The following MTCL1 variants were observed in gnomAD, a reference collection of about 807,000 sequenced individuals.
The protein encoded by MTCL1 is microtubule cross-linking factor 1.
Under a neutral mutation model 141.4 loss-of-function variants are expected in MTCL1, and 79 were observed. The observed-to-expected ratio is 0.56, with a 90% CI of 0.47 to 0.67. The LOEUF is 0.67. Ranked by LOEUF, MTCL1 falls within the 30% of genes least tolerant of loss-of-function variation. MTCL1 has a pLI of 0.00. For missense variants in MTCL1, 2,177 were observed against 2,113.9 expected, an observed-to-expected ratio of 1.03 and a Z score of -0.59; for synonymous variants, 914 against 875.8, an observed-to-expected ratio of 1.04 and a Z score of -0.77.
exon 1 of MTCL1, chr18:8,706,132 A>G (rs2096057792): frequency 8.2e-7 from 1 of 1,215,416 alleles, no homozygotes. Flanking sequence ...TGCCGCTGCC[A>G]AGGGCCGCAA....
chr18:8,731,041 C>G (rs1378681034), intron 4 of MTCL1, among the ~76,000 whole-genome samples: 1 of 152,018 alleles, frequency 6.6e-6, no homozygotes, highest in Admixed American at 6.6e-5. Flanking sequence ...GTCAGGAGAT[C>G]AAGACCATCC....
chr18:8,792,113 C>T (rs1366214545), intron 7 of MTCL1, among the ~76,000 whole-genome samples: 1 of 152,198 alleles, frequency 6.6e-6, no homozygotes, highest in African/African-American at 2.4e-5. Flanking sequence ...ACCAGTGAAA[C>T]CGCACGTATT....
intron 16 of MTCL1, chr18:8,829,738 G>T: frequency 1.0e-6 from 1 of 985,300 alleles, no homozygotes; most frequent in Non-Finnish European, 1.2e-6. Context: ...GGAACACAGG[G>T]AGGGTCAATT....
intron 16 of MTCL1, chr18:8,829,669 C>T: frequency 7.1e-6 from 7 of 985,250 alleles, no homozygotes; most frequent in Non-Finnish European, 8.4e-6. Flanking sequence ...GGCCTTGACT[C>T]GAAGCCAGTA....
At chr18:8,824,616 C>T (rs2076954425) in intron 14 of MTCL1, 83 bp from the exon 14 acceptor site, 1 of 1,250,756 alleles carries the variant, frequency 8.0e-7, no homozygotes. Flanking sequence ...ACTGACACTT[C>T]TCATGCAGGG....
chr18:8,709,254 A>G (rs907545161), intron 1 of MTCL1, among the ~76,000 whole-genome samples: 5 of 151,900 alleles, frequency 3.3e-5, no homozygotes, highest in Admixed American at 3.3e-4. Flanking sequence ...GTGCAGTGGC[A>G]TGATCATAGC....
chr18:8,803,654 T>A (rs1300633922), intron 10 of MTCL1, among the ~76,000 whole-genome samples: 1 of 152,214 alleles, frequency 6.6e-6, no homozygotes, highest in Non-Finnish European at 1.5e-5. Context: ...CCAATAGCAT[T>A]GAGCTGGGCT....
rs1220187127 is a variant in MTCL1, at chr18:8,725,776, C to CTTTTTTTTTTTTTT, written c.357+5293_357+5294insTTTTTTTTTTTTTT. Among the ~76,000 whole-genome samples, 99 of 111,006 alleles carry CTTTTTTTTTTTTTT rather than the reference C, an allele frequency of 8.9e-4. 12 individuals carry two copies. The highest frequency in any genetic ancestry group is 5.2e-3 in the Middle Eastern group (1 of 192). 72.8% of individuals were successfully genotyped at this position (111,006 alleles called of 152,430 possible). Reference sequence around the variant, plus strand: ...GCGTTATGTATTTTGGTGCCATTTTCTTTTTTTTTTTTTCTTTTTTTTTTT... The same window carrying CTTTTTTTTTTTTTT: ...GCGTTATGTATTTTGGTGCCATTTTCTTTTTTTTTTTTTTTTTTTTTTTTTTTCTTTTTTTTTTT... On this transcript the variant is annotated intron_variant, in intron 4 of 16. Transcript: ENST00000359865.
Position 8,706,017 on chromosome 18 carries a change from G to T in MTCL1, c.357G>T (p.Ala119=), listed in dbSNP as rs1183479183. ...CCCCGCCGGGCGCCGGGGCCAGAGC[G>T]GCGGGCGGTGCCAAGGCTGCCCTGG... Residue 119 remains alanine (A), a synonymous_variant, in exon 1 of 14, where the codon GCG becomes GCT. Transcript: ENST00000306329. 67 of 1,169,254 alleles carry T rather than the reference G, an allele frequency of 5.7e-5. No individual in the cohort carries two copies. In the Middle Eastern group the frequency reaches 1.4e-3, roughly 24 times the overall value. 72.4% of individuals were successfully genotyped at this position (1,169,254 alleles called of 1,614,324 possible).
At chr18:8,817,721 A>C (rs1344041333) in intron 12 of MTCL1, among the ~76,000 whole-genome samples, 4 of 152,214 alleles carry the variant, frequency 2.6e-5, no homozygotes, top group African/African-American at 9.6e-5. Context: ...ACTTCAAATC[A>C]TTATTTGGCC....
At chr18:8,820,737 G>A (rs1269417002) in intron 13 of MTCL1, among the ~76,000 whole-genome samples, 1 of 152,332 alleles carries the variant, frequency 6.6e-6, no homozygotes, top group East Asian at 1.9e-4. Context: ...CTGCATGGCA[G>A]AGACAAGGGG....
At chr18:8,719,503 A>G (rs1276081184) in intron 3 of MTCL1, among the ~76,000 whole-genome samples, 1 of 152,230 alleles carries the variant, frequency 6.6e-6, no homozygotes, top group Non-Finnish European at 1.5e-5. Flanking sequence ...TTACCACACC[A>G]GAGCCACAGT....
At chr18:8,800,299 GGAAACCTAGCCAAGCCGTTTTC>G in intron 10 of MTCL1, 1 of 152,250 alleles carries the variant, frequency 6.6e-6, no homozygotes, top group East Asian at 1.9e-4. Flanking sequence ...TAGTAGCATG[GGAAACCTAGCCAAGCCGTTTTC>G]CCAAGGACAA....
chr18:8,809,828 C>G (rs2076421957), intron 11 of MTCL1: 4 of 513,434 alleles, frequency 7.8e-6, no homozygotes, highest in Non-Finnish European at 1.0e-5. Flanking sequence ...ATCACAGGCA[C>G]TGGGACTTGA....
upstream of MTCL1, among the ~76,000 whole-genome samples, chr18:8,716,006 C>T (rs2148790233): frequency 6.6e-6 from 1 of 152,316 alleles, no homozygotes; most frequent in South Asian, 2.1e-4. Context: ...CTTCCAGTTC[C>T]AGCAGATCTT....
rs767298406 is a variant in MTCL1, at chr18:8,819,108, C to T, written c.3005C>T (p.Pro1002Leu). The T allele has an allele frequency of 8.1e-6, 13 of 1,614,098 alleles. No individual in the cohort carries two copies. The East Asian group carries it at 2.7e-4, about 33-fold the overall frequency. Residue 1002 changes from proline (P) to leucine (L), a missense_variant, in exon 13 of 17, where the codon CCG (proline) becomes CTG (leucine). By Grantham distance (98) the Pro-to-Leu change is moderately conservative (BLOSUM62 -3). Transcript: ENST00000359865. ...CCTTGTGCAGATGCTGACTCCATCC[C>T]GTTTGAAGACCGGCCGCTGTCCAAG...
Position 8,825,775 on chromosome 18 carries a change from C to G in MTCL1, c.4265C>G (p.Ser1422Ter). 6.2e-7 allele frequency: 1 copy of G among 1,614,128 alleles called. No individual in the cohort carries two copies. The highest frequency in any genetic ancestry group is 8.5e-7 in the Non-Finnish European group (1 of 1,180,018). The change falls in exon 15 of 17, where the codon TCA becomes TGA. Residue 1422 changes from serine to a stop codon, truncating the protein, a stop_gained. Coordinates refer to ENST00000359865, the Ensembl canonical transcript of MTCL1. LOFTEE classifies it high-confidence loss of function. The stretch of plus-strand genomic sequence containing the variant: ...ATGGCCCAGAAAGGGTACAGTGAGT[C>G]AGCCTGGGCCCGCTCCACCACCACA...
At chr18:8,745,403 G>A (rs1434639530) in intron 4 of MTCL1, among the ~76,000 whole-genome samples, 3 of 152,146 alleles carry the variant, frequency 2.0e-5, no homozygotes, top group Non-Finnish European at 1.5e-5. Flanking sequence ...GTAGCCATCC[G>A]TCTGCGGCAT....
chr18:8,755,452 C>T (rs1006935192), intron 4 of MTCL1, among the ~76,000 whole-genome samples: 1 of 152,184 alleles, frequency 6.6e-6, no homozygotes, highest in African/African-American at 2.4e-5. Flanking sequence ...GAGTGTTACT[C>T]TTTATGAAAT....
Sources: gnomAD v4.1 joint callset for allele counts (sites outside exome capture counted in the v4.1 genomes callset) on GRCh38, gnomAD v4.1.1 for gene constraint, MANE v1.5 for transcripts, NCBI Gene and HGNC (gene_info 2026-07-23, HGNC 2026-07-21) for gene names.